Variants in RUSC2 observed in about 807,000 individuals in gnomAD.
The protein encoded by RUSC2 is AP-4 complex accessory subunit RUSC2.
RUSC2 carries 34 observed loss-of-function variants against 122.2 expected under a neutral mutation model. That is an observed-to-expected ratio of 0.28 (90% CI 0.21 to 0.37). The LOEUF is 0.37. Ranked by LOEUF, RUSC2 falls within the 10% of genes least tolerant of loss-of-function variation. The pLI is 1.00. For synonymous variants in RUSC2, 784 were observed against 790.0 expected (o/e 0.99, Z 0.13); for missense variants, 1,747 against 1,952.4 (o/e 0.89, Z 1.98).
chr9:35,534,665 G>A (rs1413329394), intron 1 of RUSC2, among the ~76,000 whole-genome samples: 1 of 151,810 alleles, frequency 6.6e-6, no homozygotes, highest in African/African-American at 2.4e-5. Flanking sequence ...TATTTTTTTG[G>A]TAGAGACAGG....
intron 1 of RUSC2, among the ~76,000 whole-genome samples, chr9:35,520,748 A>G (rs191037275): frequency 1.3e-4 from 20 of 152,156 alleles, no homozygotes; most frequent in African/African-American, 4.3e-4. Flanking sequence ...TACACACTTG[A>G]GGGCCATCCT....
At chr9:35,541,968 T>C (rs1015944574) in intron 1 of RUSC2, among the ~76,000 whole-genome samples, 4 of 151,162 alleles carry the variant, frequency 2.6e-5, no homozygotes, top group African/African-American at 9.7e-5. Flanking sequence ...AATAATTCCT[T>C]ATTTTTAAAA....
intron 1 of RUSC2, among the ~76,000 whole-genome samples, chr9:35,497,509 C>A (rs947059777): frequency 6.6e-6 from 1 of 152,186 alleles, no homozygotes; most frequent in South Asian, 2.1e-4. Flanking sequence ...GCCATATATC[C>A]GAATACTATA....
At chr9:35,538,307 CCAGTGTA>C (rs1026732752) in intron 1 of RUSC2, among the ~76,000 whole-genome samples, 4 of 152,294 alleles carry the variant, frequency 2.6e-5, no homozygotes, top group African/African-American at 9.6e-5. Context: ...TTACCACCAC[CCAGTGTA>C]CAGAAGCCTG....
intron 8 of RUSC2, 93 bp from the exon 9 acceptor site, chr9:35,559,133 C>A: frequency 2.0e-6 from 2 of 996,160 alleles, no homozygotes; most frequent in South Asian, 1.3e-5. Flanking sequence ...AGGGCGTGTT[C>A]ACCTATTCTT....
intron 1 of RUSC2, among the ~76,000 whole-genome samples, chr9:35,495,603 A>C (rs1820694803): frequency 6.6e-6 from 1 of 152,140 alleles, no homozygotes; most frequent in Admixed American, 6.6e-5. Context: ...TCAAGAATGT[A>C]AGTCCTCCAA....
In RUSC2 at chr9:35,532,871, T is replaced by C. The variant is rs1159172744; in HGVS notation, c.-92-13559T>C. 2.6e-5 allele frequency among the ~76,000 whole-genome samples: 4 copies of C among 152,132 alleles called. No individual in the cohort carries two copies. In the East Asian group the frequency reaches 7.7e-4, roughly 29 times the overall value. On this transcript the variant is annotated intron_variant, in intron 1 of 11. Coordinates refer to ENST00000361226, the MANE Select transcript of RUSC2 (RefSeq NM_014806.5). ...ACTGCTTCACACACTTCAAATGTTA[T>C]TAGAAAAAAGATTTCTGGTGGTTAA...
chr9:35,559,975 T>C (rs1447809884), intron 9 of RUSC2, 54 bp from the exon 10 acceptor site: 1 of 1,465,716 alleles, frequency 6.8e-7, no homozygotes, highest in Non-Finnish European at 9.2e-7. Flanking sequence ...AAAGTCCCAC[T>C]TGGGCCAGGC....
Position 35,558,109 on chromosome 9 carries a change from C to T in RUSC2, c.3061-88C>T, listed in dbSNP as rs530339740. On this transcript the variant is annotated intron_variant, in intron 6 of 11. Coordinates refer to ENST00000361226, the MANE Select transcript of RUSC2 (RefSeq NM_014806.5). This position sits in a 1 kb window ranked among gnomAD's most constrained non-coding sequence, Gnocchi z 4.3. ...AGGGTTGGGTACTTAGGAATGGGGA[C>T]GGCAAGAGGGGAACCATGAGGGCCT... is the stretch of plus-strand genomic sequence containing the variant. 4.4e-5 allele frequency: 70 copies of T among 1,584,256 alleles called. No homozygotes were observed. The Middle Eastern group carries it at 9.7e-4, about 22-fold the overall frequency.
intron 1 of RUSC2, among the ~76,000 whole-genome samples, chr9:35,523,626 G>A (rs1446356791): frequency 6.6e-6 from 1 of 151,516 alleles, no homozygotes; most frequent in Non-Finnish European, 1.5e-5. Flanking sequence ...ACCAGCCTGG[G>A]CAACATGGTG....
intron 1 of RUSC2, among the ~76,000 whole-genome samples, chr9:35,519,604 G>T (rs1056711843): frequency 6.6e-6 from 1 of 152,158 alleles, no homozygotes; most frequent in Non-Finnish European, 1.5e-5. Context: ...AAAAAGGAAT[G>T]TGACCCTTCC....
At position 35,561,104 on chromosome 9, in the gene RUSC2, CT is replaced by C; in HGVS notation, c.4349+8del. ...TGCCCTCCAGTCCTCCGTGGTAAGCCTGGGGAAACGGAAGGGCTGAGGGGGG... is the reference window on the plus strand; with the variant it reads ...TGCCCTCCAGTCCTCCGTGGTAAGCCGGGGAAACGGAAGGGCTGAGGGGGG... On this transcript the variant is annotated splice_region_variant and intron_variant, in intron 11 of 11. Transcript: ENST00000361226. The C allele has an allele frequency of 1.9e-6, 3 of 1,613,886 alleles. No individual in the cohort carries two copies. The highest frequency in any genetic ancestry group is 2.5e-6 in the Non-Finnish European group (3 of 1,179,866).
intron 1 of RUSC2, among the ~76,000 whole-genome samples, chr9:35,503,615 T>TA (rs1820857331): frequency 6.6e-6 from 1 of 152,182 alleles, no homozygotes; most frequent in Non-Finnish European, 1.5e-5. Context: ...TTTGGGTAGA[T>TA]ACCCAGTAGT....
chr9:35,558,559 C>T lies in RUSC2; in HGVS notation c.3333C>T (p.Gly1111=), dbSNP rs1425782059. 2 of 1,613,466 alleles carry T rather than the reference C, an allele frequency of 1.2e-6. No individual in the cohort carries two copies. Among genetic ancestry groups the T allele is most frequent in the Admixed American group, 3.3e-5 (2 of 60,012 alleles). ...HTMRFNAFIL[G]LLNIRSLEFW... ...TGCGCTTCAACGCCTTCATCCTCGG[C>T]CTGCTCAAGTGAGTGCACAGAGCAG... The change falls in exon 8 of 12, where the codon GGC becomes GGT. Residue 1111 remains glycine (G), a synonymous_variant. Coordinates refer to ENST00000361226, the MANE Select transcript of RUSC2 (RefSeq NM_014806.5). This position sits in a 1 kb window ranked among gnomAD's most constrained non-coding sequence, Gnocchi z 4.3.
At position 35,547,136 on chromosome 9, in the gene RUSC2, T is replaced by G. The variant is rs1352153019; in HGVS notation, c.615T>G (p.Cys205Trp). The G allele has an allele frequency of 1.2e-6, 2 of 1,614,010 alleles. No individual in the cohort carries two copies. Among genetic ancestry groups the G allele is most frequent in the African/African-American group, 2.7e-5 (2 of 74,908 alleles). The change falls in exon 2 of 12, where the codon TGT becomes TGG. Residue 205 changes from cysteine to tryptophan, a missense_variant. By Grantham distance (215) the Cys-to-Trp change is radical (BLOSUM62 -2). Transcript: ENST00000361226. The surrounding 1 kb of genome is among the most constrained non-coding windows in gnomAD (Gnocchi z 4.6). Reference protein sequence around the residue: ...LEAETMELDECGGPGGSGSGG... With the variant: ...LEAETMELDEWGGPGGSGSGG... ...CAGAGACTATGGAGCTGGATGAGTG[T>G]GGGGGACCTGGTGGGAGTGGCAGTG... is the stretch of plus-strand genomic sequence containing the variant.
At chr9:35,533,923 C>G (rs1821471926) in intron 1 of RUSC2, among the ~76,000 whole-genome samples, 1 of 152,158 alleles carries the variant, frequency 6.6e-6, no homozygotes, top group African/African-American at 2.4e-5. Flanking sequence ...ACTAGGAATA[C>G]TCATATACAA....
At chr9:35,545,398 A>G (rs1203633172) in intron 1 of RUSC2, among the ~76,000 whole-genome samples, 2 of 152,270 alleles carry the variant, frequency 1.3e-5, no homozygotes, top group Admixed American at 1.3e-4. Context: ...ACAGGAGACT[A>G]GAACTTGAGC....
chr9:35,545,836 G>A (rs768819015), intron 1 of RUSC2, among the ~76,000 whole-genome samples: 2 of 152,136 alleles, frequency 1.3e-5, no homozygotes, highest in African/African-American at 4.8e-5. Context: ...CTTAGCCCAC[G>A]GTCATCAGAA....
Position 35,561,007 on chromosome 9 carries a change from T to TG in RUSC2, c.4261dup (p.Ala1421GlyfsTer31). On this transcript the variant is annotated frameshift_variant, in exon 11 of 12. Coordinates refer to ENST00000361226, the MANE Select transcript of RUSC2 (RefSeq NM_014806.5). LOFTEE classifies it high-confidence loss of function. Reference sequence around the variant, plus strand: ...CTGGACAAGTCCATGTTCCAACTAGTGGCGCAGACAGTGGGTTCCCGCCGG... The same window carrying TG: ...CTGGACAAGTCCATGTTCCAACTAGTGGGCGCAGACAGTGGGTTCCCGCCGG... The TG allele has an allele frequency of 6.2e-7, 1 of 1,614,064 alleles. No individual in the cohort carries two copies. The highest frequency in any genetic ancestry group is 8.5e-7 in the Non-Finnish European group (1 of 1,179,996).
Sources: allele counts gnomAD v4.1 joint callset (sites outside exome capture counted in the v4.1 genomes callset), GRCh38; gene constraint gnomAD v4.1.1; non-coding constraint Gnocchi (gnomAD v3.1); transcripts MANE v1.5; gene names NCBI Gene and HGNC (gene_info 2026-07-23, HGNC 2026-07-21).